TTC17: variants seen among roughly 807,000 people sequenced by gnomAD.
The protein encoded by TTC17 is tetratricopeptide repeat protein 17.
Under a neutral mutation model 143.8 loss-of-function variants are expected in TTC17, and 58 were observed. The ratio of observed to expected loss-of-function variants is 0.40; its 90% CI spans 0.33 to 0.50. The LOEUF (loss-of-function observed/expected upper bound fraction) is 0.50, where lower values mean the gene tolerates loss of function less well. Ranked by LOEUF, TTC17 falls within the 20% of genes least tolerant of loss-of-function variation. The pLI is 0.49. For missense variants in TTC17, 1,273 were observed against 1,392.5 expected, an observed-to-expected ratio of 0.91 and a Z score of 1.37; for synonymous variants, 501 against 497.8, an observed-to-expected ratio of 1.01 and a Z score of -0.09.
At chr11:43,360,285 G>A (rs1430268331) in intron 1 of TTC17, among the ~76,000 whole-genome samples, 1 of 152,202 alleles carries the variant, frequency 6.6e-6, no homozygotes, top group African/African-American at 2.4e-5. Flanking sequence ...AGAAAAGACC[G>A]TGTTCCTATT....
chr11:43,359,346 G>A, intron 1 of TTC17: 2 of 494,254 alleles, frequency 4.0e-6, no homozygotes, highest in Non-Finnish European at 6.7e-6. Flanking sequence ...TCCACCTCGC[G>A]GGCCGCGCGC....
At chr11:43,469,822 C>T (rs1414187538) in intron 21 of TTC17, among the ~76,000 whole-genome samples, 2 of 152,080 alleles carry the variant, frequency 1.3e-5, no homozygotes, top group Non-Finnish European at 2.9e-5. Flanking sequence ...TAAGTTATAC[C>T]TCACTTTTTA....
At chr11:43,443,231 C>G in intron 16 of TTC17, 94 bp from the exon 17 acceptor site, 1 of 1,473,244 alleles carries the variant, frequency 6.8e-7, no homozygotes, top group Non-Finnish European at 9.2e-7. Flanking sequence ...CTAAGCAGAG[C>G]CAAAACGTTT....
intron 10 of TTC17, among the ~76,000 whole-genome samples, chr11:43,403,187 A>G (rs531147247): frequency 2.6e-5 from 4 of 152,282 alleles, no homozygotes; most frequent in African/African-American, 9.6e-5. Context: ...TTGAAACCCA[A>G]TACACCTTTT....
chr11:43,492,993 G>A (rs185909987), intron 23 of TTC17, among the ~76,000 whole-genome samples: 85 of 152,340 alleles, frequency 5.6e-4, no homozygotes, highest in Non-Finnish European at 4.6e-4. Flanking sequence ...TATCGTTCTT[G>A]ACTTCAGAGG....
intron 21 of TTC17, among the ~76,000 whole-genome samples, chr11:43,479,812 T>A (rs1313925558): frequency 6.6e-6 from 1 of 151,554 alleles, no homozygotes; most frequent in East Asian, 1.9e-4. Flanking sequence ...GGGCAGCAAG[T>A]GATTAGGGTT....
At chr11:43,418,946 T>A (rs1312752273) in intron 16 of TTC17, among the ~76,000 whole-genome samples, 1 of 152,204 alleles carries the variant, frequency 6.6e-6, no homozygotes, top group African/African-American at 2.4e-5. Context: ...GGCTGTCTTA[T>A]ATCTTTGATA....
chr11:43,393,277 A>G (rs535550677), intron 5 of TTC17, among the ~76,000 whole-genome samples: 2 of 152,320 alleles, frequency 1.3e-5, no homozygotes, highest in South Asian at 2.1e-4. Context: ...CAAATTAGCT[A>G]TAAAGTCAGG....
Position 43,493,990 on chromosome 11 carries a change from A to G in TTC17, c.*86A>G. On this transcript the variant is annotated 3_prime_UTR_variant, in exon 24 of 24. Coordinates refer to ENST00000039989, the MANE Select transcript of TTC17 (RefSeq NM_018259.6). ...AAACCAATCATTGTCAGTATCTACTATTAATGATGTGTGTGAAAATAACTA... is the reference window on the plus strand; with the variant it reads ...AAACCAATCATTGTCAGTATCTACTGTTAATGATGTGTGTGAAAATAACTA... 1.4e-6 allele frequency: 2 copies of G among 1,439,596 alleles called. No individual in the cohort carries two copies. Among genetic ancestry groups the G allele is most frequent in the Non-Finnish European group, 9.3e-7 (1 of 1,079,262 alleles). The allele number at this position is 1,439,596 out of a possible 1,614,324, so 89.2% of individuals were successfully genotyped here.
At chr11:43,471,468 A>G (rs1358573928) in intron 21 of TTC17, among the ~76,000 whole-genome samples, 1 of 152,184 alleles carries the variant, frequency 6.6e-6, no homozygotes, top group Non-Finnish European at 1.5e-5. Flanking sequence ...AGTTTGGCCT[A>G]ATGCATCAGC....
chr11:43,399,536 C>T (rs1024163346), intron 8 of TTC17, among the ~76,000 whole-genome samples: 2 of 151,980 alleles, frequency 1.3e-5, no homozygotes, highest in Admixed American at 1.3e-4. Context: ...GGCATGGTGG[C>T]GTGTGCCTGT....
intron 19 of TTC17, 68 bp from the exon 20 acceptor site, chr11:43,450,014 C>T (rs1947626541): frequency 6.6e-7 from 1 of 1,513,174 alleles, no homozygotes; most frequent in South Asian, 1.2e-5. Context: ...ATTGTTAATG[C>T]TGTCTCTCTT....
chr11:43,381,861 T>G lies in TTC17; in HGVS notation c.249+2539T>G, dbSNP rs542918449. Among the ~76,000 whole-genome samples, 20 of 152,254 alleles carry G rather than the reference T, an allele frequency of 1.3e-4. No individual in the cohort carries two copies. The South Asian group carries it at 3.9e-3, about 30-fold the overall frequency. On this transcript the variant is annotated intron_variant, in intron 2 of 23. Transcript: ENST00000039989. ...ACCTGAGTGATTGCAAGGCTGAGGT[T>G]GATATTAGCTGAGATAAAGAAGACT...
intron 2 of TTC17, 36 bp downstream of exon 2, chr11:43,379,358 T>C: frequency 6.5e-7 from 1 of 1,542,900 alleles, no homozygotes; most frequent in Non-Finnish European, 8.9e-7. Context: ...CAGCTGATGC[T>C]TGTTGCATTT....
intron 5 of TTC17, among the ~76,000 whole-genome samples, chr11:43,394,927 G>A (rs1184841368): frequency 6.6e-6 from 1 of 151,978 alleles, no homozygotes; most frequent in Non-Finnish European, 1.5e-5. Flanking sequence ...GCAGAAAGTG[G>A]TCAAAGAAAG....
chr11:43,378,593 T>C (rs1024930104), intron 1 of TTC17, among the ~76,000 whole-genome samples: 2 of 152,194 alleles, frequency 1.3e-5, no homozygotes, highest in African/African-American at 4.8e-5. Context: ...TTTCTTTTGC[T>C]CAAAGGTTAT....
At chr11:43,485,109 G>A (rs181894421) in intron 21 of TTC17, among the ~76,000 whole-genome samples, 5 of 152,082 alleles carry the variant, frequency 3.3e-5, no homozygotes, top group East Asian at 3.9e-4. Flanking sequence ...TAAAGTGCAC[G>A]ATAAATGTAA....
At chr11:43,453,854 A>C (rs529452626) in intron 21 of TTC17, among the ~76,000 whole-genome samples, 8 of 152,344 alleles carry the variant, frequency 5.3e-5, no homozygotes, top group African/African-American at 1.9e-4. Flanking sequence ...AGCTTAGCCT[A>C]GCCTTTTTTA....
At position 43,405,756 on chromosome 11, in the gene TTC17, T is replaced by C. The variant is rs202004958; in HGVS notation, c.1596-30T>C. On this transcript the variant is annotated intron_variant, in intron 12 of 23. Transcript: ENST00000039989. ...CTTGAAGTCACCCAAACTTTGAAAA[T>C]ATGAATCTTGTTCCTTTTTCTTGTG... 1.9e-6 allele frequency: 3 copies of C among 1,612,726 alleles called. No individual in the cohort carries two copies. In the African/African-American group the frequency reaches 4.0e-5, roughly 22 times the overall value.
Sources: allele counts gnomAD v4.1 joint callset (sites outside exome capture counted in the v4.1 genomes callset), GRCh38; gene constraint gnomAD v4.1.1; transcripts MANE v1.5; gene names NCBI Gene and HGNC (gene_info 2026-07-23, HGNC 2026-07-21).